Variants in PTPRG observed in about 807,000 individuals in gnomAD.
PTPRG encodes the protein protein tyrosine phosphatase receptor type G, also known as receptor-type tyrosine-protein phosphatase gamma.
PTPRG carries 102 observed loss-of-function variants against 165.3 expected under a neutral mutation model. That is an observed-to-expected ratio of 0.62 (90% CI 0.53 to 0.73). The LOEUF is 0.73. PTPRG is among the 30% of genes least tolerant of loss of function. PTPRG has a pLI of 0.00. For missense variants in PTPRG, 1,866 were observed against 1,861.4 expected, an observed-to-expected ratio of 1.00 and a Z score of -0.05; for synonymous variants, 675 against 669.5, an observed-to-expected ratio of 1.01 and a Z score of -0.13.
At chr3:61,878,463 T>G (rs2107463374) in intron 2 of PTPRG, among the ~76,000 whole-genome samples, 1 of 152,290 alleles carries the variant, frequency 6.6e-6, no homozygotes, top group South Asian at 2.1e-4. Context: ...TTGGCTTGAC[T>G]TGACATCTCC....
At chr3:61,985,675 A>G (rs759021185) in intron 2 of PTPRG, among the ~76,000 whole-genome samples, 2 of 152,164 alleles carry the variant, frequency 1.3e-5, no homozygotes, top group Non-Finnish European at 2.9e-5. Context: ...CTGTATTTAA[A>G]TTGATAACAG....
At chr3:62,188,315 C>T (rs934004972) in intron 8 of PTPRG, among the ~76,000 whole-genome samples, 4 of 152,160 alleles carry the variant, frequency 2.6e-5, no homozygotes, top group African/African-American at 9.7e-5. Flanking sequence ...GTTGAAGCTG[C>T]AGTGAGCCAT....
intron 1 of PTPRG, among the ~76,000 whole-genome samples, chr3:61,682,383 A>G (rs1426651160): frequency 6.6e-6 from 1 of 152,202 alleles, no homozygotes; most frequent in Non-Finnish European, 1.5e-5. Flanking sequence ...TGAGGAATAA[A>G]TATGTGCATA....
chr3:62,131,258 C>T (rs775233995), intron 5 of PTPRG, among the ~76,000 whole-genome samples: 4 of 152,176 alleles, frequency 2.6e-5, no homozygotes, highest in East Asian at 1.9e-4. Context: ...TATGTGACAA[C>T]GAAAAACGTC....
At chr3:61,826,744 G>C (rs2036124132) in intron 2 of PTPRG, among the ~76,000 whole-genome samples, 1 of 151,538 alleles carries the variant, frequency 6.6e-6, no homozygotes, top group South Asian at 2.1e-4. Context: ...AAAGATGCCT[G>C]ACTTCTGTTT....
chr3:61,624,350 T>G lies in PTPRG; in HGVS notation c.85+61978T>G, dbSNP rs537364726. ...CAACTAAAAAACTACATTTCCCAAC[T>G]TCCCATGCCAGTAGGGATGGTCAGT... On this transcript the variant is annotated intron_variant, in intron 1 of 29. Coordinates refer to ENST00000474889, the MANE Select transcript of PTPRG (RefSeq NM_002841.4). Among the ~76,000 whole-genome samples, 52 of 152,266 alleles carry G rather than the reference T, an allele frequency of 3.4e-4. 2 individuals carry two copies. The South Asian group carries it at 0.01, about 30-fold the overall frequency.
chr3:62,210,124 A>G lies in PTPRG; in HGVS notation c.2155+6174A>G, dbSNP rs1288211615. On this transcript the variant is annotated intron_variant, in intron 12 of 29. Transcript: ENST00000474889. This position sits in a 1 kb window ranked among gnomAD's most constrained non-coding sequence, Gnocchi z 4.1. Reference sequence around the variant, plus strand: ...TCATTTTGATTGTTTGAGTCTGGTGAATTAAGCTCTGCATGAAATGGTAAG... The same window carrying G: ...TCATTTTGATTGTTTGAGTCTGGTGGATTAAGCTCTGCATGAAATGGTAAG... 6.6e-6 allele frequency among the ~76,000 whole-genome samples: 1 copy of G among 152,220 alleles called. No homozygotes were observed. The highest frequency in any genetic ancestry group is 2.4e-5 in the African/African-American group (1 of 41,452).
chr3:61,751,265 C>T (rs951219888), intron 2 of PTPRG, among the ~76,000 whole-genome samples: 1 of 152,134 alleles, frequency 6.6e-6, no homozygotes, highest in Non-Finnish European at 1.5e-5. Flanking sequence ...ACTTTGGGTA[C>T]ATCAGACCAG....
chr3:61,710,928 C>T (rs544965747), intron 1 of PTPRG, among the ~76,000 whole-genome samples: 14 of 151,992 alleles, frequency 9.2e-5, no homozygotes, highest in East Asian at 3.9e-4. Context: ...CCTAGCCCCC[C>T]GCCCCCAGAG....
chr3:61,623,641 T>G (rs1701526019), intron 1 of PTPRG, among the ~76,000 whole-genome samples: 1 of 152,080 alleles, frequency 6.6e-6, no homozygotes, highest in Non-Finnish European at 1.5e-5. Flanking sequence ...TTATCTAAAA[T>G]TGGGAAAGAA....
intron 2 of PTPRG, among the ~76,000 whole-genome samples, chr3:61,780,043 C>T (rs1185154924): frequency 6.6e-6 from 1 of 152,162 alleles, no homozygotes; most frequent in Non-Finnish European, 1.5e-5. Flanking sequence ...CCTGGGAAAG[C>T]CAGACTAAGA....
chr3:62,220,621 T>C (rs1700629012), intron 13 of PTPRG, among the ~76,000 whole-genome samples: 1 of 152,164 alleles, frequency 6.6e-6, no homozygotes, highest in Non-Finnish European at 1.5e-5. Context: ...CCAGCAAGTT[T>C]ATGAAGTATG....
chr3:61,757,540 T>G (rs1398454880), intron 2 of PTPRG, among the ~76,000 whole-genome samples: 1 of 152,206 alleles, frequency 6.6e-6, no homozygotes, highest in African/African-American at 2.4e-5. Context: ...TTCATTTTTT[T>G]ATAAAATGCT....
intron 1 of PTPRG, among the ~76,000 whole-genome samples, chr3:61,737,523 A>G (rs2032763813): frequency 6.6e-6 from 1 of 152,160 alleles, no homozygotes; most frequent in African/African-American, 2.4e-5. Flanking sequence ...TTTGCTGACC[A>G]GAAGCACAAA....
intron 4 of PTPRG, among the ~76,000 whole-genome samples, chr3:62,048,192 G>A (rs1557912): frequency 0.85 from 127,789 of 150,862 alleles, 54,894 homozygotes; most frequent in Non-Finnish European, 0.91. Context: ...CTTAAAAAAA[G>A]AAGAAAGAAA....
chr3:61,563,063 T>G (rs1357592311), intron 1 of PTPRG, among the ~76,000 whole-genome samples: 2 of 151,790 alleles, frequency 1.3e-5, no homozygotes, highest in Non-Finnish European at 2.9e-5. Flanking sequence ...GTGTCTCCCC[T>G]AGCCCCGGCC....
chr3:61,661,071 A>C (rs1702648828), intron 1 of PTPRG, among the ~76,000 whole-genome samples: 1 of 151,638 alleles, frequency 6.6e-6, no homozygotes, highest in Non-Finnish European at 1.5e-5. Context: ...CCTAATTAAA[A>C]ATTTTTTTTT....
At chr3:62,140,929 G>A (rs548661341) in intron 6 of PTPRG, among the ~76,000 whole-genome samples, 4 of 151,638 alleles carry the variant, frequency 2.6e-5, no homozygotes, top group Admixed American at 2.6e-4. Flanking sequence ...ATTTTCTTGG[G>A]TAATAAAAAT....
At chr3:61,611,079 G>A (rs577490130) in intron 1 of PTPRG, among the ~76,000 whole-genome samples, 1 of 152,268 alleles carries the variant, frequency 6.6e-6, no homozygotes, top group African/African-American at 2.4e-5. Flanking sequence ...TGGGATTACA[G>A]GCATGAGCCA....
Sources: gnomAD v4.1 joint callset for allele counts (sites outside exome capture counted in the v4.1 genomes callset) on GRCh38, gnomAD v4.1.1 for gene constraint, Gnocchi (gnomAD v3.1) non-coding constraint, MANE v1.5 for transcripts, NCBI Gene and HGNC (gene_info 2026-07-23, HGNC 2026-07-21) for gene names.